Variants in LINGO2 observed in about 807,000 individuals in gnomAD.
LINGO2 encodes leucine rich repeat and Ig domain containing 2, also known as leucine-rich repeat and immunoglobulin-like domain-containing nogo receptor-interacting protein 2.
Under a neutral mutation model 30.6 loss-of-function variants are expected in LINGO2, and 14 were observed. The ratio of observed to expected loss-of-function variants is 0.46; its 90% CI spans 0.30 to 0.72. The LOEUF is 0.72. LINGO2 is among the 30% of genes least tolerant of loss of function. The pLI, the probability that LINGO2 is intolerant of heterozygous loss-of-function variation, is 0.07. For missense variants in LINGO2, 729 were observed against 751.7 expected, an observed-to-expected ratio of 0.97 and a Z score of 0.35; for synonymous variants, 317 against 288.5, an observed-to-expected ratio of 1.10 and a Z score of -1.00.
At chr9:28,507,303 T>C (rs926442693) in intron 1 of LINGO2, among the ~76,000 whole-genome samples, 4 of 152,078 alleles carry the variant, frequency 2.6e-5, no homozygotes, top group African/African-American at 9.7e-5. Context: ...TGTAACTATG[T>C]TATATCCTTC....
rs369074526 is a variant in LINGO2, at chr9:28,490,562, C to T, written c.-364-14537G>A. Among the ~76,000 whole-genome samples the T allele has an allele frequency of 3.5e-4, 54 of 152,262 alleles. No individual in the cohort carries two copies. In the South Asian group the frequency reaches 7.0e-3, roughly 20 times the overall value. Reference sequence around the variant, plus strand: ...ACTAGAAGCCACTGTGCTCCAGGTTCCTTCATTACAGATTTCCTAAAGGTA... The same window carrying T: ...ACTAGAAGCCACTGTGCTCCAGGTTTCTTCATTACAGATTTCCTAAAGGTA... On this transcript the variant is annotated intron_variant, in intron 1 of 5. Coordinates refer to ENST00000379992, the Ensembl canonical transcript of LINGO2.
At position 28,028,518 on chromosome 9, in the gene LINGO2, A is replaced by G. The variant is rs147493770; in HGVS notation, c.-86-16113T>C. ...AACACCCAGAGAAGATTATAACAAT[A>G]TACATAATATAATCATTGAAATTAA... On this transcript the variant is annotated intron_variant, in intron 4 of 5. Transcript: ENST00000379992. Among the ~76,000 whole-genome samples the G allele has an allele frequency of 8.2e-3, 1,248 of 152,268 alleles. 9 individuals carry two copies. The highest frequency in any genetic ancestry group is 0.031 in the South Asian group (149 of 4,816).
chr9:28,407,908 A>G (rs552543038), intron 2 of LINGO2, among the ~76,000 whole-genome samples: 3 of 152,098 alleles, frequency 2.0e-5, no homozygotes, highest in Admixed American at 6.6e-5. Context: ...CAGAATAAAA[A>G]CTTGTAAAAC....
intron 1 of LINGO2, among the ~76,000 whole-genome samples, chr9:28,635,931 G>A (rs778859408): frequency 6.6e-5 from 10 of 151,964 alleles, no homozygotes; most frequent in Non-Finnish European, 1.2e-4. Flanking sequence ...CCAGTAACTC[G>A]TCATTTAACA....
chr9:27,949,100 G>T, exon 6 of LINGO2: 3 of 1,614,156 alleles, frequency 1.9e-6, no homozygotes, highest in Non-Finnish European at 2.5e-6. Flanking sequence ...CATTGGAAAT[G>T]GTGTCATTGG....
chr9:28,538,534 G>C (rs1355163047), intron 1 of LINGO2, among the ~76,000 whole-genome samples: 2 of 152,064 alleles, frequency 1.3e-5, no homozygotes, highest in Non-Finnish European at 2.9e-5. Flanking sequence ...CTTGACTAAC[G>C]TATTAGTCCA....
At chr9:29,064,610 C>G in the LINGO2 span, among the ~76,000 whole-genome samples, 1 of 151,920 alleles carries the variant, frequency 6.6e-6, no homozygotes, top group African/African-American at 2.4e-5. Flanking sequence ...GGTAGCTAGA[C>G]CACACTGAAG....
At chr9:28,903,779 C>A in the LINGO2 span, among the ~76,000 whole-genome samples, 1 of 152,074 alleles carries the variant, frequency 6.6e-6, no homozygotes, top group East Asian at 1.9e-4. Context: ...ATGCTTGGCC[C>A]TATCTAACAC....
chr9:28,741,673 C>A, the LINGO2 span, among the ~76,000 whole-genome samples: 2 of 151,864 alleles, frequency 1.3e-5, no homozygotes, highest in African/African-American at 4.8e-5. Flanking sequence ...TATAGGATCC[C>A]ACTTGGTACT....
intron 1 of LINGO2, among the ~76,000 whole-genome samples, chr9:28,506,479 C>CACAGACATATATATAT (rs1260518228): frequency 1.8e-4 from 2 of 11,334 alleles, no homozygotes; most frequent in African/African-American, 3.1e-4. Context: ...CACACACACA[C>CACAGACATATATATAT]ATACACATAC....
chr9:28,058,186 T>C (rs1404888742), intron 4 of LINGO2, among the ~76,000 whole-genome samples: 1 of 152,118 alleles, frequency 6.6e-6, no homozygotes, highest in Non-Finnish European at 1.5e-5. Context: ...ATCAAAGTAT[T>C]TGATGCCATC....
At chr9:28,288,239 CCAATATCA>C (rs1480498182) in intron 4 of LINGO2, among the ~76,000 whole-genome samples, 1 of 152,102 alleles carries the variant, frequency 6.6e-6, no homozygotes, top group Non-Finnish European at 1.5e-5. Context: ...TGCATCTCTC[CCAATATCA>C]CAATTTCAAG....
the LINGO2 span, among the ~76,000 whole-genome samples, chr9:28,773,871 G>A: frequency 3.3e-5 from 5 of 152,040 alleles, no homozygotes; most frequent in Admixed American, 6.5e-5. Flanking sequence ...ACGCTACATC[G>A]TGCTGCAAGA....
the LINGO2 span, among the ~76,000 whole-genome samples, chr9:29,137,933 T>C: frequency 6.6e-6 from 1 of 152,008 alleles, no homozygotes; most frequent in Non-Finnish European, 1.5e-5. Flanking sequence ...GTTATGAAGA[T>C]AAAATTATAT....
At chr9:28,866,591 G>A in the LINGO2 span, among the ~76,000 whole-genome samples, 1 of 152,246 alleles carries the variant, frequency 6.6e-6, no homozygotes, top group East Asian at 1.9e-4. Context: ...GAGAAGAAGG[G>A]TGGTGTGAAT....
At chr9:29,081,867 A>C in the LINGO2 span, among the ~76,000 whole-genome samples, 2 of 151,846 alleles carry the variant, frequency 1.3e-5, no homozygotes, top group Admixed American at 6.6e-5. Flanking sequence ...AATCCAACTT[A>C]TAAGGGATGT....
intron 3 of LINGO2, among the ~76,000 whole-genome samples, chr9:28,348,546 C>T (rs1459048274): frequency 2.0e-5 from 3 of 152,180 alleles, no homozygotes; most frequent in Non-Finnish European, 2.9e-5. Context: ...TGAGATCAAA[C>T]TGCAAGGCGG....
chr9:28,381,991 A>C (rs1821376175), intron 2 of LINGO2, among the ~76,000 whole-genome samples: 1 of 152,102 alleles, frequency 6.6e-6, no homozygotes, highest in African/African-American at 2.4e-5. Flanking sequence ...TAAAGAGCCA[A>C]GTCTTTGGAT....
intron 4 of LINGO2, among the ~76,000 whole-genome samples, chr9:28,033,398 C>G (rs1160854387): frequency 6.6e-6 from 1 of 152,160 alleles, no homozygotes; most frequent in Non-Finnish European, 1.5e-5. Flanking sequence ...TAGCAGTCAT[C>G]AAAGGTTCTT....
Sources: allele counts gnomAD v4.1 joint callset (sites outside exome capture counted in the v4.1 genomes callset), GRCh38; gene constraint gnomAD v4.1.1; transcripts MANE v1.5; gene names NCBI Gene and HGNC (gene_info 2026-07-23, HGNC 2026-07-21).